THSD7B: variants seen among roughly 807,000 people sequenced by gnomAD.
The protein encoded by THSD7B is thrombospondin type-1 domain-containing protein 7B.
Under a neutral mutation model 213.6 loss-of-function variants are expected in THSD7B, and 138 were observed. The observed-to-expected ratio is 0.65, with a 90% CI of 0.56 to 0.74. THSD7B has a LOEUF of 0.74. Among genes scored for constraint, THSD7B ranks in the 30% least tolerant of loss-of-function variants. The probability of loss-of-function intolerance (pLI) is 0.00; values close to 1 mark genes in which losing one functional copy is unlikely to be tolerated. For missense variants in THSD7B, 1,931 were observed against 1,991.5 expected (o/e 0.97, Z 0.58); for synonymous variants, 742 against 687.0 (o/e 1.08, Z -1.25).
chr2:137,092,836 T>G (rs1443479527), intron 3 of THSD7B, among the ~76,000 whole-genome samples: 1 of 152,024 alleles, frequency 6.6e-6, no homozygotes, highest in Admixed American at 6.6e-5. Flanking sequence ...CAAGGTTTCA[T>G]CGTGTTGGCC....
chr2:136,916,935 A>G (rs927724135), intron 2 of THSD7B, among the ~76,000 whole-genome samples: 1 of 152,194 alleles, frequency 6.6e-6, no homozygotes, highest in Non-Finnish European at 1.5e-5. Context: ...TCCTATTTCT[A>G]AAATACACAA....
intron 20 of THSD7B, 179 bp from the exon 21 acceptor site, chr2:137,642,309 C>G (rs1682954017): frequency 3.1e-6 from 2 of 653,520 alleles, no homozygotes; most frequent in Non-Finnish European, 4.9e-6. Flanking sequence ...TTGTGAAAAC[C>G]TAGATAGCCT....
chr2:137,345,500 A>G (rs1684857986), intron 12 of THSD7B, among the ~76,000 whole-genome samples: 1 of 151,758 alleles, frequency 6.6e-6, no homozygotes, highest in Admixed American at 6.6e-5. Context: ...AAGAATTGAA[A>G]GATGTGCTTC....
chr2:136,829,896 C>T (rs1682720260), intron 1 of THSD7B, among the ~76,000 whole-genome samples: 1 of 152,100 alleles, frequency 6.6e-6, no homozygotes. Flanking sequence ...TTAAAACATG[C>T]CTTTACAAAT....
intron 1 of THSD7B, among the ~76,000 whole-genome samples, chr2:136,785,763 G>A (rs1307766356): frequency 6.6e-6 from 1 of 152,230 alleles, no homozygotes; most frequent in Non-Finnish European, 1.5e-5. Context: ...AAAGCTGGAT[G>A]AGAATGCCTC....
chr2:137,651,052 G>A lies in THSD7B; in HGVS notation c.3946-4449G>A, dbSNP rs140628768. On this transcript the variant is annotated intron_variant, in intron 21 of 27. Transcript: ENST00000409968. ...ATAGTTTTCTACTTTTGCTATGCCC[G>A]TTTCTGGTCTTGGATCAGGGAAAGC... is the stretch of plus-strand genomic sequence containing the variant. Among the ~76,000 whole-genome samples the A allele has an allele frequency of 1.2e-3, 181 of 152,130 alleles. 4 individuals are homozygous for A. In the East Asian group the frequency reaches 0.032, roughly 27 times the overall value.
chr2:137,356,947 TACACACACACACACACACAGAC>T (rs1685144106), intron 12 of THSD7B, among the ~76,000 whole-genome samples: 4 of 113,742 alleles, frequency 3.5e-5, no homozygotes, highest in South Asian at 3.1e-4. Flanking sequence ...CACACACACA[TACACACACACACACACACAGAC>T]ACACACACAC....
At chr2:137,345,685 G>A (rs1405857754) in intron 12 of THSD7B, among the ~76,000 whole-genome samples, 1 of 151,484 alleles carries the variant, frequency 6.6e-6, no homozygotes, top group African/African-American at 2.4e-5. Context: ...AAATAGCTGA[G>A]CATTTTTCTT....
chr2:136,972,141 C>T (rs1402932998), intron 2 of THSD7B, among the ~76,000 whole-genome samples: 1 of 152,132 alleles, frequency 6.6e-6, no homozygotes, highest in Non-Finnish European at 1.5e-5. Flanking sequence ...GAATGGACTA[C>T]CATGATGACA....
chr2:137,466,215 A>T (rs1687987887), intron 15 of THSD7B, among the ~76,000 whole-genome samples: 1 of 152,146 alleles, frequency 6.6e-6, no homozygotes, highest in South Asian at 2.1e-4. Context: ...AGGTAACGGT[A>T]AATATTTTGG....
chr2:137,330,879 CG>C (rs1340338222), intron 12 of THSD7B, among the ~76,000 whole-genome samples: 2 of 152,108 alleles, frequency 1.3e-5, no homozygotes, highest in African/African-American at 4.8e-5. Context: ...TTGGTAGAGC[CG>C]AGTGGTCTGT....
At chr2:136,971,639 TACACACACACACAC>T (rs6146927) in intron 2 of THSD7B, among the ~76,000 whole-genome samples, 3 of 135,306 alleles carry the variant, frequency 2.2e-5, no homozygotes, top group Non-Finnish European at 4.7e-5. Flanking sequence ...CAACAACAAA[TACACACACACACAC>T]ACACACACAC....
At chr2:136,884,594 A>G (rs1251967094) in intron 2 of THSD7B, among the ~76,000 whole-genome samples, 2 of 152,166 alleles carry the variant, frequency 1.3e-5, no homozygotes, top group Non-Finnish European at 2.9e-5. Flanking sequence ...GGTGCACCTG[A>G]AAATATTTAA....
At chr2:137,196,300 T>G (rs564595988) in intron 7 of THSD7B, among the ~76,000 whole-genome samples, 1 of 152,104 alleles carries the variant, frequency 6.6e-6, no homozygotes, top group African/African-American at 2.4e-5. Context: ...TGATGTTTCT[T>G]CTAAGCTCAA....
intron 12 of THSD7B, among the ~76,000 whole-genome samples, chr2:137,308,427 G>A (rs182117473): frequency 2.0e-5 from 3 of 152,054 alleles, no homozygotes; most frequent in Non-Finnish European, 4.4e-5. Context: ...TATAAGTGAC[G>A]GAGTACCATG....
chr2:137,536,555 G>A (rs1157078941), intron 15 of THSD7B, among the ~76,000 whole-genome samples: 1 of 151,666 alleles, frequency 6.6e-6, no homozygotes, highest in Admixed American at 6.6e-5. Flanking sequence ...AAGATTGCAT[G>A]TAGAAGTAAA....
intron 2 of THSD7B, among the ~76,000 whole-genome samples, chr2:136,981,788 C>T (rs1237239750): frequency 6.6e-6 from 1 of 152,192 alleles, no homozygotes; most frequent in Non-Finnish European, 1.5e-5. Flanking sequence ...CACACCACAC[C>T]TACGTTTAGC....
chr2:137,291,142 C>T (rs1003548728), intron 12 of THSD7B, among the ~76,000 whole-genome samples: 5 of 152,110 alleles, frequency 3.3e-5, no homozygotes, highest in African/African-American at 4.8e-5. Context: ...AATCTACAAA[C>T]GCTCATCAGC....
intron 15 of THSD7B, among the ~76,000 whole-genome samples, chr2:137,451,595 T>G (rs549614766): frequency 6.6e-6 from 1 of 152,186 alleles, no homozygotes; most frequent in African/African-American, 2.4e-5. Flanking sequence ...AATAAAACCA[T>G]GATAGATCCC....
Sources: allele counts gnomAD v4.1 joint callset (sites outside exome capture counted in the v4.1 genomes callset), GRCh38; gene constraint gnomAD v4.1.1; transcripts MANE v1.5; gene names NCBI Gene and HGNC (gene_info 2026-07-23, HGNC 2026-07-21).